Variants in CASTOR2 observed in about 807,000 individuals in gnomAD.
The protein encoded by CASTOR2 is GATS protein like 2.
Under a neutral mutation model 31.2 loss-of-function variants are expected in CASTOR2, and 8 were observed. The ratio of observed to expected loss-of-function variants is 0.26; its 90% CI spans 0.15 to 0.46. CASTOR2 has a LOEUF of 0.46. Ranked by LOEUF, CASTOR2 falls within the 20% of genes least tolerant of loss-of-function variation. The probability of loss-of-function intolerance (pLI) is 0.99; values close to 1 mark genes in which losing one functional copy is unlikely to be tolerated. For missense variants in CASTOR2, 216 were observed against 382.1 expected, an observed-to-expected ratio of 0.57 and a Z score of 3.62; for synonymous variants, 162 against 158.7, an observed-to-expected ratio of 1.02 and a Z score of -0.16.
At chr7:75,012,567 A>T (rs1254896723) in intron 2 of CASTOR2, among the ~76,000 whole-genome samples, 3 of 151,868 alleles carry the variant, frequency 2.0e-5, no homozygotes, top group Non-Finnish European at 4.4e-5. Flanking sequence ...TTGACCTCCC[A>T]AAGTGCTGGG....
intron 1 of CASTOR2, among the ~76,000 whole-genome samples, chr7:74,975,047 C>T (rs1554435495): frequency 2.0e-5 from 3 of 151,380 alleles, no homozygotes; most frequent in African/African-American, 4.8e-5. Context: ...CGGCTCACTG[C>T]AACCTCTGCC....
At chr7:75,019,291 C>T (rs1294541111) in intron 5 of CASTOR2, among the ~76,000 whole-genome samples, 196 bp downstream of exon 5, 1 of 152,046 alleles carries the variant, frequency 6.6e-6, no homozygotes, top group Non-Finnish European at 1.5e-5. Context: ...AGACATGGAC[C>T]TGCCCCGGAG....
intron 6 of CASTOR2, 32 bp downstream of exon 6, chr7:75,020,181 C>T (rs1026829547): frequency 5.8e-6 from 9 of 1,543,432 alleles, no homozygotes; most frequent in Non-Finnish European, 7.9e-6. Flanking sequence ...ACGTTCAACC[C>T]AGGGTGGGCC....
chr7:75,028,492 C>T lies in CASTOR2; in HGVS notation c.*3793C>T, dbSNP rs1233670214. 3.9e-5 allele frequency among the ~76,000 whole-genome samples: 6 copies of T among 151,978 alleles called. No individual in the cohort carries two copies. Among genetic ancestry groups the T allele is most frequent in the African/African-American group, 1.5e-4 (6 of 41,356 alleles). On this transcript the variant is annotated 3_prime_UTR_variant, in exon 9 of 9. Coordinates refer to ENST00000616305, the MANE Select transcript of CASTOR2 (RefSeq NM_001145064.3). ...GAGCTCCTGGAGTGTGTGTCTTGGC[C>T]CCTGTGTGGTTCTCCATTAAGAAAA...
intron 1 of CASTOR2, among the ~76,000 whole-genome samples, chr7:74,998,459 G>A (rs1212649165): frequency 1.3e-5 from 2 of 151,974 alleles, no homozygotes; most frequent in Admixed American, 1.3e-4. Context: ...CAAAATTAGC[G>A]GGGCATGGTG....
intron 4 of CASTOR2, among the ~76,000 whole-genome samples, chr7:75,018,327 G>T (rs1392659565): frequency 6.6e-6 from 1 of 152,090 alleles, no homozygotes; most frequent in Non-Finnish European, 1.5e-5. Flanking sequence ...TTCACCTGAG[G>T]TCAGGAGTTT....
intron 1 of CASTOR2, among the ~76,000 whole-genome samples, chr7:74,989,995 T>C (rs1465751748): frequency 6.6e-6 from 1 of 152,078 alleles, no homozygotes; most frequent in East Asian, 1.9e-4. Context: ...CATTTTGTTA[T>C]AGTAAGTTAT....
rs1805239197 is a variant in CASTOR2, at chr7:75,029,489, ACC to A, written c.*4792_*4793del. Among the ~76,000 whole-genome samples, 1 of 150,680 alleles carries A rather than the reference ACC, an allele frequency of 6.6e-6. No homozygotes were observed. Among genetic ancestry groups the A allele is most frequent in the South Asian group, 2.1e-4 (1 of 4,744 alleles). On this transcript the variant is annotated 3_prime_UTR_variant, in exon 9 of 9. Transcript: ENST00000616305. ...CTCCCAAGTAGCTGGGATTACAGGCACCCACCACCACGCTCGGCTAATTTTTG... is the reference window on the plus strand; with the variant it reads ...CTCCCAAGTAGCTGGGATTACAGGCACACCACCACGCTCGGCTAATTTTTG...
chr7:75,027,957 T>G lies in CASTOR2; in HGVS notation c.*3258T>G. 3 of 1,449,190 alleles carry G rather than the reference T, an allele frequency of 2.1e-6. No individual in the cohort carries two copies. The highest frequency in any genetic ancestry group is 2.8e-6 in the Non-Finnish European group (3 of 1,069,694). The allele number at this position is 1,449,190 out of a possible 1,614,324, so 89.8% of individuals were successfully genotyped here. A position where few individuals can be genotyped will look rare whatever the true frequency, so the allele number is the denominator to read the frequency against. ...GCCCCAGACCCCACTTGGAGGGGCA[T>G]GTGTTTCTCAGAGGGGCTCCATCCG... On this transcript the variant is annotated 3_prime_UTR_variant, in exon 9 of 9. Transcript: ENST00000616305.
At chr7:74,992,743 A>G (rs1339842892) in intron 1 of CASTOR2, among the ~76,000 whole-genome samples, 1 of 151,788 alleles carries the variant, frequency 6.6e-6, no homozygotes, top group Non-Finnish European at 1.5e-5. Flanking sequence ...CGGCCTCAAG[A>G]TTTTTTTAAA....
intron 1 of CASTOR2, among the ~76,000 whole-genome samples, chr7:75,002,131 G>A (rs1292156309): frequency 6.7e-6 from 1 of 150,158 alleles, no homozygotes; most frequent in Non-Finnish European, 1.5e-5. Context: ...TCACCATGTT[G>A]GCCAGACTGG....
chr7:75,014,743 C>A (rs1423607847), intron 2 of CASTOR2, among the ~76,000 whole-genome samples: 2 of 152,210 alleles, frequency 1.3e-5, no homozygotes, highest in Non-Finnish European at 2.9e-5. Context: ...CCTCTTCCCC[C>A]ACACCCACGT....
chr7:75,015,412 G>C (rs1358380922), intron 2 of CASTOR2, among the ~76,000 whole-genome samples: 1 of 152,136 alleles, frequency 6.6e-6, no homozygotes, highest in Non-Finnish European at 1.5e-5. Context: ...TGGGACCACA[G>C]GCATGTGCCA....
At chr7:75,001,847 T>C (rs1804504784) in intron 1 of CASTOR2, among the ~76,000 whole-genome samples, 1 of 152,166 alleles carries the variant, frequency 6.6e-6, no homozygotes, top group Admixed American at 6.6e-5. Context: ...GGCACTGTCA[T>C]GCGCAGTTGG....
intron 2 of CASTOR2, among the ~76,000 whole-genome samples, chr7:75,016,027 A>T (rs1289714836): frequency 6.6e-6 from 1 of 152,006 alleles, no homozygotes; most frequent in African/African-American, 2.4e-5. Context: ...GATCATGCCA[A>T]TGTACTCCAG....
chr7:75,011,938 G>C (rs1231556628), intron 2 of CASTOR2, among the ~76,000 whole-genome samples: 1 of 151,440 alleles, frequency 6.6e-6, no homozygotes, highest in Non-Finnish European at 1.5e-5. Context: ...TTGCACTCCA[G>C]CCTGGGGGAC....
At chr7:74,989,808 GAC>G (rs1284804793) in intron 1 of CASTOR2, among the ~76,000 whole-genome samples, 2 of 152,090 alleles carry the variant, frequency 1.3e-5, no homozygotes, top group Non-Finnish European at 2.9e-5. Flanking sequence ...GCACAAAACA[GAC>G]ACAGTGAATC....
chr7:75,001,799 C>CTT (rs1804503993), intron 1 of CASTOR2, among the ~76,000 whole-genome samples: 1 of 152,182 alleles, frequency 6.6e-6, no homozygotes, highest in Non-Finnish European at 1.5e-5. Context: ...GAAGTAGACC[C>CTT]TTAAAGTATG....
At chr7:74,982,235 G>T (rs1554436344) in intron 1 of CASTOR2, among the ~76,000 whole-genome samples, 4 of 131,588 alleles carry the variant, frequency 3.0e-5, no homozygotes, top group South Asian at 5.3e-4. Context: ...TAGAGGTGAG[G>T]CTGGGGAACG....
Sources: allele counts gnomAD v4.1 joint callset (sites outside exome capture counted in the v4.1 genomes callset), GRCh38; gene constraint gnomAD v4.1.1; transcripts MANE v1.5; gene names NCBI Gene and HGNC (gene_info 2026-07-23, HGNC 2026-07-21).